Variants in CENPE observed in about 807,000 individuals in gnomAD.
The protein encoded by CENPE is centromere-associated protein E.
CENPE carries 145 observed loss-of-function variants against 336.1 expected under a neutral mutation model. The observed-to-expected ratio is 0.43, with a 90% confidence interval of 0.38 to 0.50. CENPE has a LOEUF of 0.50. CENPE is among the 20% of genes least tolerant of loss of function. CENPE has a pLI of 0.00. For missense variants in CENPE, 2,719 were observed against 3,023.3 expected (o/e 0.90, Z 2.36); for synonymous variants, 1,013 against 984.8 (o/e 1.03, Z -0.54).
At chr4:103,130,111 G>T (rs558855393) in intron 42 of CENPE, among the ~76,000 whole-genome samples, 1 of 152,278 alleles carries the variant, frequency 6.6e-6, no homozygotes, top group East Asian at 1.9e-4. Context: ...AACAAGGCAA[G>T]GATGTCCCCT....
Position 103,161,185 on chromosome 4 carries a change from C to T in CENPE, c.2032G>A (p.Ala678Thr), listed in dbSNP as rs141992921. Reference sequence around the variant, plus strand: ...AGATCAACTTGCATTTTCTTTTTTGCCTCCAACTGGCTTTGATATAACTGA... The same window carrying T: ...AGATCAACTTGCATTTTCTTTTTTGTCTCCAACTGGCTTTGATATAACTGA... ...DIQLYQSQLE[A>T]KKKMQVDLEK... Residue 678 changes from alanine (A) to threonine (T), a missense_variant, in exon 20 of 49, where the codon GCA becomes ACA. By Grantham distance (58) the Ala-to-Thr change is moderately conservative. Transcript: ENST00000265148. The T allele has an allele frequency of 1.1e-5, 17 of 1,611,400 alleles. No homozygotes were observed. The African/African-American group carries it at 1.6e-4, about 15-fold the overall frequency.
At position 103,140,826 on chromosome 4, in the gene CENPE, T is replaced by A. The variant is rs1222941848; in HGVS notation, c.5742A>T (p.Glu1914Asp). 2 of 1,584,888 alleles carry A rather than the reference T, an allele frequency of 1.3e-6. No homozygotes were observed. Among genetic ancestry groups the A allele is most frequent in the Non-Finnish European group, 1.7e-6 (2 of 1,170,990 alleles). Reference sequence around the variant, plus strand: ...GAACACAACTCACTCTAGCTTTGGTTTCTTGCAGGCTTTCCTTGAGTTGGT... The same window carrying A: ...GAACACAACTCACTCTAGCTTTGGTATCTTGCAGGCTTTCCTTGAGTTGGT... ...ERDQLKESLQ[E>D]TKARDLEIQQ... Residue 1914 changes from glutamate to aspartate, a missense_variant, in exon 36 of 49, where the codon GAA (glutamate) becomes GAT (aspartate). This residue lies in a region of CENPE where 2,437 missense variants were observed against 2,513.3 expected (regional missense o/e 0.97). Coordinates refer to ENST00000265148, the MANE Select transcript of CENPE (RefSeq NM_001813.3).
intron 46 of CENPE, among the ~76,000 whole-genome samples, chr4:103,111,391 G>A (rs942542920): frequency 2.6e-5 from 4 of 152,142 alleles, no homozygotes; most frequent in Non-Finnish European, 5.9e-5. Context: ...GGGGAGGTGA[G>A]GTAGGGTGGG....
At chr4:103,174,348 T>G (rs12501621) in intron 16 of CENPE, among the ~76,000 whole-genome samples, 67,551 of 151,594 alleles carry the variant, frequency 0.45, 15,702 homozygotes, top group African/African-American at 0.59. Flanking sequence ...GGGGTGTTTT[T>G]CAGGGAGAAG....
At chr4:103,163,290 A>G in intron 17 of CENPE, 34 bp from the exon 18 acceptor site, 3 of 1,579,644 alleles carry the variant, frequency 1.9e-6, no homozygotes, top group Non-Finnish European at 2.6e-6. Flanking sequence ...AACAATTTAG[A>G]ATCTGATTTG....
chr4:103,132,955 TTTATTTATATATATATA>T, intron 41 of CENPE, 59 bp from the exon 42 acceptor site: 1 of 258,168 alleles, frequency 3.9e-6, no homozygotes, highest in South Asian at 1.4e-4. Flanking sequence ...ATCCAAATAT[TTTATTTATATATATATA>T]TATATATATA....
intron 11 of CENPE, 35 bp downstream of exon 11, chr4:103,182,727 C>T (rs746216572): frequency 3.6e-4 from 546 of 1,535,384 alleles, no homozygotes; most frequent in Non-Finnish European, 4.6e-4. Flanking sequence ...AGCTGATCTT[C>T]CCCTATATTA....
intron 14 of CENPE, among the ~76,000 whole-genome samples, chr4:103,176,259 GACACAAT>G (rs932688871): frequency 6.6e-6 from 1 of 152,104 alleles, no homozygotes; most frequent in African/African-American, 2.4e-5. Flanking sequence ...TGGAATTAGT[GACACAAT>G]ACAGGATCCT....
At position 103,132,874 on chromosome 4, in the gene CENPE, T is replaced by C. The variant is rs750708896; in HGVS notation, c.6743A>G (p.Glu2248Gly). 10 of 1,457,738 alleles carry C rather than the reference T, an allele frequency of 6.9e-6. No homozygotes were observed. The highest frequency in any genetic ancestry group is 4.6e-5 in the Admixed American group (2 of 43,718). 90.3% of individuals were successfully genotyped at this position (1,457,738 alleles called of 1,614,324 possible). The change falls in exon 42 of 49, where the codon GAA becomes GGA. Residue 2248 changes from glutamate to glycine, a missense_variant. Transcript: ENST00000265148. ...HIEEILKDFS[E>G]SEFPSIKTEF... ...AGTCTTTATGCTAGGGAACTCACTT[T>C]CTGAGAAATCTTTGAGAATTTCCTG...
At chr4:103,164,065 G>C (rs1458307290) in intron 16 of CENPE, among the ~76,000 whole-genome samples, 5 of 152,048 alleles carry the variant, frequency 3.3e-5, no homozygotes, top group Admixed American at 3.3e-4. Context: ...GTTGTTTCAT[G>C]CAGTGCCTTT....
chr4:103,115,800 G>C (rs578256597), intron 45 of CENPE, among the ~76,000 whole-genome samples: 1 of 148,378 alleles, frequency 6.7e-6, no homozygotes, highest in Non-Finnish European at 1.5e-5. Flanking sequence ...GTGCGATCTC[G>C]GCTCACTGCA....
At chr4:103,134,387 C>T (rs1056590928) in intron 40 of CENPE, among the ~76,000 whole-genome samples, 9 of 152,072 alleles carry the variant, frequency 5.9e-5, no homozygotes, top group African/African-American at 2.2e-4. Flanking sequence ...GTAATCCCAG[C>T]ACTTTGGGAG....
At chr4:103,138,024 C>G (rs1752213225) in intron 39 of CENPE, among the ~76,000 whole-genome samples, 1 of 152,192 alleles carries the variant, frequency 6.6e-6, no homozygotes, top group South Asian at 2.1e-4. Context: ...ACCACAGAGT[C>G]TTCTGCCTCA....
chr4:103,193,763 C>A (rs1757537159), intron 8 of CENPE, among the ~76,000 whole-genome samples: 2 of 152,028 alleles, frequency 1.3e-5, no homozygotes. Flanking sequence ...GTTTACAATA[C>A]AAAATATATT....
rs763173941 is a variant in CENPE, at chr4:103,163,466, CATGA to C, written c.1722+9_1722+12del. On this transcript the variant is annotated intron_variant, in intron 17 of 48. Transcript: ENST00000265148. ...AATTGCTTATCAATAGAAATACCAA[CATGA>C]ATGCTCACCTCAAGATCTTGATTAT... The C allele has an allele frequency of 3.2e-6, 5 of 1,567,452 alleles. No individual in the cohort carries two copies. The Admixed American group carries it at 8.6e-5, about 27-fold the overall frequency.
chr4:103,119,288 C>T (rs944703182), intron 44 of CENPE, among the ~76,000 whole-genome samples: 1 of 151,946 alleles, frequency 6.6e-6, no homozygotes, highest in South Asian at 2.1e-4. Context: ...TTTTCATTGG[C>T]CTCTAGAACA....
At position 103,145,318 on chromosome 4, in the gene CENPE, T is replaced by A; in HGVS notation, c.4589A>T (p.Glu1530Val). The change falls in exon 32 of 49, where the codon GAG (glutamate) becomes GTG (valine). Residue 1530 changes from glutamate (E) to valine (V), a missense_variant. Coordinates refer to ENST00000265148, the MANE Select transcript of CENPE (RefSeq NM_001813.3). ...KLQNKIQEIY[E>V]KEEQFNIKQI... ...TTTTATATTAAATTGTTCCTCTTTC[T>A]CATAAATCTCTTGGATCTTAAACAT... 6.4e-7 allele frequency: 1 copy of A among 1,552,202 alleles called. No homozygotes were observed. Among genetic ancestry groups the A allele is most frequent in the Non-Finnish European group, 8.8e-7 (1 of 1,133,894 alleles).
chr4:103,140,537 A>C, intron 36 of CENPE, 123 bp from the exon 37 acceptor site: 1 of 766,714 alleles, frequency 1.3e-6, no homozygotes, highest in Non-Finnish European at 2.0e-6. Flanking sequence ...CCATTATACA[A>C]CCTCCTAAAT....
chr4:103,160,613 A>T lies in CENPE; in HGVS notation c.2286+12T>A, dbSNP rs745654853. 6.3e-7 allele frequency: 1 copy of T among 1,595,658 alleles called. No individual in the cohort carries two copies. The highest frequency in any genetic ancestry group is 8.5e-7 in the Non-Finnish European group (1 of 1,173,646). On this transcript the variant is annotated intron_variant, in intron 21 of 48. Transcript: ENST00000265148. ...TTCAAAATAAGGGATAAGTGCTTAT[A>T]AATGTGTTTACCTCTTTCCTCAGCC...
Sources: gnomAD v4.1 joint callset for allele counts (sites outside exome capture counted in the v4.1 genomes callset) on GRCh38, gnomAD v4.1.1 for gene constraint, gnomAD v4.1.1 regional missense constraint, MANE v1.5 for transcripts, NCBI Gene and HGNC (gene_info 2026-07-23, HGNC 2026-07-21) for gene names.